Variants in SGCD observed in about 807,000 individuals in gnomAD.
SGCD encodes delta-sarcoglycan.
In SGCD, 18 loss-of-function variants were observed where a neutral mutation model predicts 36.6. The ratio of observed to expected loss-of-function variants is 0.49; its 90% CI spans 0.34 to 0.73. The LOEUF is 0.73. Among genes scored for constraint, SGCD ranks in the 30% least tolerant of loss-of-function variants. SGCD has a pLI of 0.01. For synonymous variants in SGCD, 133 were observed against 130.6 expected (o/e 1.02, Z -0.12); for missense variants, 387 against 346.7 (o/e 1.12, Z -0.92).
At chr5:156,225,863 G>C (rs1764842564) in intron 3 of SGCD, among the ~76,000 whole-genome samples, 1 of 151,446 alleles carries the variant, frequency 6.6e-6, no homozygotes, top group African/African-American at 2.4e-5. Flanking sequence ...TTTTATTCAA[G>C]AGTTTTCTTC....
intron 3 of SGCD, among the ~76,000 whole-genome samples, chr5:156,358,516 A>G (rs1467625091): frequency 6.6e-6 from 1 of 152,220 alleles, no homozygotes; most frequent in African/African-American, 2.4e-5. Flanking sequence ...TGTTTATTCA[A>G]CACATGCTTG....
At chr5:156,479,534 G>A (rs996494871) in intron 3 of SGCD, among the ~76,000 whole-genome samples, 3 of 152,198 alleles carry the variant, frequency 2.0e-5, no homozygotes, top group Non-Finnish European at 4.4e-5. Flanking sequence ...AGGCATTTGA[G>A]TTTGGGACCC....
At chr5:155,728,177 C>A in the SGCD span, among the ~76,000 whole-genome samples, 1,502 of 152,160 alleles carry the variant, frequency 9.9e-3, 33 homozygotes, top group African/African-American at 0.035. Context: ...TCCCCGCCGC[C>A]CCCACCCGCG....
At chr5:155,750,273 A>G in the SGCD span, among the ~76,000 whole-genome samples, 5 of 152,194 alleles carry the variant, frequency 3.3e-5, no homozygotes, top group Non-Finnish European at 7.3e-5. Flanking sequence ...ATATTTTTAC[A>G]CCATTTACAT....
chr5:155,931,447 C>G (rs1250198110), intron 1 of SGCD, among the ~76,000 whole-genome samples: 1 of 152,044 alleles, frequency 6.6e-6, no homozygotes, highest in Non-Finnish European at 1.5e-5. Flanking sequence ...ACACATACAC[C>G]CAAAATATTG....
At chr5:156,341,863 C>T (rs1292825585) in intron 2 of SGCD, among the ~76,000 whole-genome samples, 1 of 152,186 alleles carries the variant, frequency 6.6e-6, no homozygotes, top group Admixed American at 6.5e-5. Context: ...AGGCACCTGC[C>T]ACCATGCCCA....
At chr5:156,292,875 C>T (rs1276106760) in intron 3 of SGCD, among the ~76,000 whole-genome samples, 1 of 152,012 alleles carries the variant, frequency 6.6e-6, no homozygotes, top group Non-Finnish European at 1.5e-5. Flanking sequence ...TTTTCATATG[C>T]TTATTGGCCA....
intron 4 of SGCD, among the ~76,000 whole-genome samples, chr5:156,538,124 G>C (rs1758198001): frequency 6.6e-6 from 1 of 151,604 alleles, no homozygotes; most frequent in South Asian, 2.1e-4. Flanking sequence ...AAATACCATT[G>C]ACTAAGGATA....
chr5:155,920,969 T>C (rs1182461951), intron 1 of SGCD, among the ~76,000 whole-genome samples: 1 of 152,042 alleles, frequency 6.6e-6, no homozygotes, highest in Non-Finnish European at 1.5e-5. Context: ...TTCATTACCA[T>C]GTAGGAGATA....
chr5:156,102,023 C>T (rs1479180674), intron 1 of SGCD, among the ~76,000 whole-genome samples: 2 of 151,258 alleles, frequency 1.3e-5, no homozygotes, highest in South Asian at 2.1e-4. Flanking sequence ...TTTATGGACT[C>T]ATAGCATTTT....
chr5:156,486,008 C>T (rs1286348829), intron 3 of SGCD, among the ~76,000 whole-genome samples: 1 of 152,106 alleles, frequency 6.6e-6, no homozygotes, highest in Non-Finnish European at 1.5e-5. Flanking sequence ...TACCATGCAA[C>T]AGCAGTGTTC....
chr5:156,168,140 T>A (rs1045280226), intron 3 of SGCD, among the ~76,000 whole-genome samples: 4 of 152,204 alleles, frequency 2.6e-5, no homozygotes, highest in Non-Finnish European at 5.9e-5. Context: ...TATCAAATGA[T>A]CACTTAGATA....
intron 3 of SGCD, among the ~76,000 whole-genome samples, chr5:156,273,183 C>A (rs1046154369): frequency 1.3e-5 from 2 of 152,190 alleles, no homozygotes; most frequent in African/African-American, 2.4e-5. Flanking sequence ...TTTTTACCCC[C>A]ACATCATCAC....
At chr5:156,757,727 G>A (rs1235584262) in intron 8 of SGCD, 23 bp downstream of exon 8, 4 of 1,594,894 alleles carry the variant, frequency 2.5e-6, no homozygotes, top group Admixed American at 1.8e-5. Flanking sequence ...AAGGACAGAA[G>A]TTCAAAGAGC....
chr5:156,653,181 C>T (rs537879836), intron 7 of SGCD, among the ~76,000 whole-genome samples: 1 of 152,178 alleles, frequency 6.6e-6, no homozygotes, highest in Admixed American at 6.6e-5. Flanking sequence ...AACAGCTCTT[C>T]TTTGTACATC....
chr5:156,536,995 G>A (rs139206115), intron 4 of SGCD, among the ~76,000 whole-genome samples: 27 of 152,186 alleles, frequency 1.8e-4, no homozygotes, highest in Non-Finnish European at 2.4e-4. Flanking sequence ...ACTTTGTGCC[G>A]CTGGGACTGA....
At chr5:156,375,852 T>G (rs1375683908) in intron 3 of SGCD, among the ~76,000 whole-genome samples, 1 of 152,224 alleles carries the variant, frequency 6.6e-6, no homozygotes, top group Non-Finnish European at 1.5e-5. Context: ...TTGGAAACTC[T>G]GCTATATTTT....
intron 7 of SGCD, among the ~76,000 whole-genome samples, chr5:156,707,996 G>A (rs1430775108): frequency 6.6e-6 from 1 of 152,154 alleles, no homozygotes; most frequent in African/African-American, 2.4e-5. Context: ...AACAGAGTGA[G>A]AGAGCCATTC....
At chr5:156,494,660 T>C (rs1424616261) in intron 3 of SGCD, among the ~76,000 whole-genome samples, 1 of 152,132 alleles carries the variant, frequency 6.6e-6, no homozygotes, top group Non-Finnish European at 1.5e-5. Context: ...TGGTGTCTAG[T>C]CACACAAATA....
Sources: allele counts gnomAD v4.1 joint callset (sites outside exome capture counted in the v4.1 genomes callset), GRCh38; gene constraint gnomAD v4.1.1; transcripts MANE v1.5; gene names NCBI Gene and HGNC (gene_info 2026-07-23, HGNC 2026-07-21).